The following CSMD2 variants were observed in gnomAD, a reference collection of about 807,000 sequenced individuals.
The protein encoded by CSMD2 is CUB and sushi domain-containing protein 2.
In CSMD2, 130 loss-of-function variants were observed where a neutral mutation model predicts 398.5. The observed-to-expected ratio is 0.33, with a 90% CI of 0.28 to 0.38. The LOEUF (loss-of-function observed/expected upper bound fraction) is 0.38. CSMD2 is among the 10% of genes least tolerant of loss of function. CSMD2 has a pLI of 1.00. For synonymous variants in CSMD2, 1,828 were observed against 1,908.5 expected (o/e 0.96, Z 1.10); for missense variants, 3,829 against 4,764.9 (o/e 0.80, Z 5.78).
At chr1:34,122,538 T>A (rs2148473606) in intron 1 of CSMD2, among the ~76,000 whole-genome samples, 1 of 152,270 alleles carries the variant, frequency 6.6e-6, no homozygotes, top group East Asian at 1.9e-4. Context: ...TCTCTGGTGC[T>A]AATTTATCTC....
intron 41 of CSMD2, among the ~76,000 whole-genome samples, chr1:33,608,854 T>C (rs1570929728): frequency 6.6e-6 from 1 of 152,298 alleles, no homozygotes; most frequent in East Asian, 1.9e-4. Flanking sequence ...AAGTTTCCGT[T>C]GTTTAAGCCA....
chr1:33,873,371 T>C (rs1303719719), intron 5 of CSMD2, among the ~76,000 whole-genome samples: 2 of 152,240 alleles, frequency 1.3e-5, no homozygotes, highest in East Asian at 3.9e-4. Context: ...CTGGTATTCA[T>C]GTCCTTGTGC....
At chr1:33,939,362 C>T (rs556821046) in intron 3 of CSMD2, among the ~76,000 whole-genome samples, 3 of 152,230 alleles carry the variant, frequency 2.0e-5, no homozygotes, top group Admixed American at 6.5e-5. Context: ...ACAGCAGAGG[C>T]AATGACTGTG....
intron 3 of CSMD2, among the ~76,000 whole-genome samples, chr1:33,953,037 C>T (rs942225558): frequency 6.6e-6 from 1 of 152,222 alleles, no homozygotes; most frequent in Non-Finnish European, 1.5e-5. Flanking sequence ...ACCAAAATTC[C>T]ATCTTCCCTT....
intron 25 of CSMD2, among the ~76,000 whole-genome samples, chr1:33,691,492 G>T (rs1227070340): frequency 4.6e-5 from 7 of 152,112 alleles, no homozygotes; most frequent in Non-Finnish European, 8.8e-5. Flanking sequence ...AACATTAATT[G>T]AACTGTGTAC....
At chr1:33,600,277 A>G (rs926250338) in intron 44 of CSMD2, 2 of 663,530 alleles carry the variant, frequency 3.0e-6, no homozygotes, top group Non-Finnish European at 5.5e-6. Flanking sequence ...TTCCATAGAT[A>G]GGCACAAGTC....
intron 22 of CSMD2, among the ~76,000 whole-genome samples, chr1:33,702,118 C>T (rs968612547): frequency 6.6e-6 from 1 of 152,052 alleles, no homozygotes; most frequent in Non-Finnish European, 1.5e-5. Context: ...TGGAAAGTTC[C>T]ACTGAACAAA....
At chr1:34,162,869 T>C (rs2148589773) in intron 1 of CSMD2, among the ~76,000 whole-genome samples, 1 of 151,862 alleles carries the variant, frequency 6.6e-6, no homozygotes, top group Admixed American at 6.6e-5. Context: ...TAAAAAAAAT[T>C]TAAAAAGAAA....
upstream of CSMD2, chr1:34,165,707 TA>T: frequency 6.2e-7 from 1 of 1,600,718 alleles, no homozygotes; most frequent in Non-Finnish European, 8.6e-7. Flanking sequence ...TGGGAAAAGG[TA>T]ACCAAAGAAG....
intron 1 of CSMD2, among the ~76,000 whole-genome samples, chr1:34,156,674 A>G (rs1306940825): frequency 1.3e-5 from 2 of 152,188 alleles, no homozygotes; most frequent in Non-Finnish European, 2.9e-5. Context: ...TTGTGTTGCA[A>G]TATAAGCCCT....
intron 10 of CSMD2, among the ~76,000 whole-genome samples, chr1:33,806,510 C>T (rs965355045): frequency 2.6e-5 from 4 of 152,066 alleles, no homozygotes; most frequent in Non-Finnish European, 5.9e-5. Flanking sequence ...ACCACATAAT[C>T]AAACAATATA....
chr1:34,046,551 T>C (rs942112271), intron 2 of CSMD2, among the ~76,000 whole-genome samples: 5 of 152,156 alleles, frequency 3.3e-5, no homozygotes, highest in Admixed American at 2.6e-4. Context: ...ACAAATACAG[T>C]TGGATCCAGC....
chr1:34,073,816 A>G (rs1197696134), intron 2 of CSMD2, among the ~76,000 whole-genome samples: 2 of 152,220 alleles, frequency 1.3e-5, no homozygotes, highest in Non-Finnish European at 2.9e-5. Flanking sequence ...GAAATACCTG[A>G]GATGGGACAA....
Position 33,719,053 on chromosome 1 carries a change from G to T in CSMD2, c.3002-2552C>A, listed in dbSNP as rs184593961. Among the ~76,000 whole-genome samples the T allele has an allele frequency of 2.7e-5, 4 of 148,392 alleles. No homozygotes were observed. In the East Asian group the frequency reaches 8.5e-4, roughly 32 times the overall value. On this transcript the variant is annotated intron_variant, in intron 19 of 70. Coordinates refer to ENST00000373381, the MANE Select transcript of CSMD2 (RefSeq NM_001281956.2). ...AGAAGACAGACACATCACTACTAGT[G>T]AGAATTCAGAGTGGGGCATGGAGGA... is the stretch of plus-strand genomic sequence containing the variant.
chr1:33,751,682 C>T lies in CSMD2; in HGVS notation c.1847-8076G>A, dbSNP rs184368828. Among the ~76,000 whole-genome samples, 243 of 152,256 alleles carry T rather than the reference C, an allele frequency of 1.6e-3. 2 individuals carry two copies. The highest frequency in any genetic ancestry group is 4.1e-3 in the Admixed American group (63 of 15,304). On this transcript the variant is annotated intron_variant, in intron 13 of 70. Coordinates refer to ENST00000373381, the MANE Select transcript of CSMD2 (RefSeq NM_001281956.2). The stretch of plus-strand genomic sequence containing the variant: ...TTGTTGCCAGGCTGGAGTGCAGTGG[C>T]GCAATCTTGGCTCACCGTAACCTCT...
chr1:33,985,341 T>C (rs949183034), intron 3 of CSMD2, among the ~76,000 whole-genome samples: 3 of 152,182 alleles, frequency 2.0e-5, no homozygotes, highest in Admixed American at 6.5e-5. Flanking sequence ...TGAGGAACAA[T>C]GCCAGGCACA....
chr1:34,080,185 A>G (rs1656907433), intron 2 of CSMD2, among the ~76,000 whole-genome samples: 1 of 151,648 alleles, frequency 6.6e-6, no homozygotes, highest in Admixed American at 6.6e-5. Context: ...TTGGAAATAT[A>G]TATATACATA....
At chr1:33,803,581 G>T (rs542251852) in intron 10 of CSMD2, among the ~76,000 whole-genome samples, 2 of 152,268 alleles carry the variant, frequency 1.3e-5, no homozygotes, top group South Asian at 4.1e-4. Flanking sequence ...TTGGTCACTT[G>T]GGATACAATA....
intron 3 of CSMD2, among the ~76,000 whole-genome samples, chr1:34,009,316 C>T (rs1647167047): frequency 6.6e-6 from 1 of 151,200 alleles, no homozygotes; most frequent in African/African-American, 2.4e-5. Context: ...TGCTCACCTC[C>T]AATTCTTGCC....
Sources: gnomAD v4.1 joint callset for allele counts (sites outside exome capture counted in the v4.1 genomes callset) on GRCh38, gnomAD v4.1.1 for gene constraint, MANE v1.5 for transcripts, NCBI Gene and HGNC (gene_info 2026-07-23, HGNC 2026-07-21) for gene names.